ZNF683: variants seen among roughly 807,000 people sequenced by gnomAD.
ZNF683 encodes tissue-resident T-cell transcription regulator protein ZNF683.
In ZNF683, 20 loss-of-function variants were observed where a neutral mutation model predicts 31.4. The observed-to-expected ratio is 0.64, with a 90% CI of 0.45 to 0.93. The LOEUF (loss-of-function observed/expected upper bound fraction) is 0.93. Among genes scored for constraint, ZNF683 ranks in the 40% least tolerant of loss-of-function variants. The pLI is 0.00. For synonymous variants in ZNF683, 264 were observed against 267.6 expected (o/e 0.99, Z 0.13); for missense variants, 621 against 637.2 (o/e 0.97, Z 0.27).
rs1570236481 is a variant in ZNF683, at chr1:26,361,841, A to G, written c.1325T>C (p.Leu442Pro). The part of the protein sequence containing the change: ...PCGLVHTQLP[L>P]ASLACLAQWH... ...TTGGGCAAGGCAGGCCAGAGAGGCCAGGGGCAGCTGGGTGTGCACCAGGCC... is the reference window on the plus strand; with the variant it reads ...TTGGGCAAGGCAGGCCAGAGAGGCCGGGGGCAGCTGGGTGTGCACCAGGCC... The change falls in exon 6 of 6, where the codon CTG (leucine) becomes CCG (proline). Residue 442 changes from leucine (L) to proline (P), a missense_variant. Leu to Pro is a moderately conservative substitution (Grantham distance 98). Transcript: ENST00000349618. 2 of 1,614,022 alleles carry G rather than the reference A, an allele frequency of 1.2e-6. No homozygotes were observed.
intron 1 of ZNF683, among the ~76,000 whole-genome samples, 167 bp from the exon 2 acceptor site, chr1:26,368,752 C>T (rs976509252): frequency 6.6e-6 from 1 of 152,176 alleles, no homozygotes. Flanking sequence ...CTAGTTGATG[C>T]GTAAGGATTC....
intron 3 of ZNF683, 103 bp from the exon 4 acceptor site, chr1:26,365,329 C>G: frequency 8.3e-7 from 1 of 1,202,848 alleles, no homozygotes; most frequent in Admixed American, 2.8e-5. Context: ...CTCCAGCCTG[C>G]GAGCCTGCTA....
chr1:26,366,955 C>T (rs940228494), intron 3 of ZNF683, among the ~76,000 whole-genome samples: 4 of 152,200 alleles, frequency 2.6e-5, no homozygotes, highest in African/African-American at 9.6e-5. Context: ...CGTGCCCGGC[C>T]TCCAGTACTT....
chr1:26,363,240 C>T (rs1162837321), intron 4 of ZNF683, 86 bp from the exon 5 acceptor site: 2 of 1,480,626 alleles, frequency 1.4e-6, no homozygotes, highest in Non-Finnish European at 1.8e-6. Flanking sequence ...GCCCACTTCT[C>T]TCTCCCTCCC....
chr1:26,372,899 T>C (rs936056623), upstream of ZNF683: 3 of 1,087,600 alleles, frequency 2.8e-6, no homozygotes, highest in East Asian at 6.4e-5. Context: ...GGCTGCTCCA[T>C]GTGGGAACCT....
Position 26,368,554 on chromosome 1 carries a change from A to G in ZNF683, c.18T>C (p.Ala6=). The G allele has an allele frequency of 1.9e-6, 3 of 1,605,384 alleles. No homozygotes were observed. Among genetic ancestry groups the G allele is most frequent in the Middle Eastern group, 1.7e-4 (1 of 6,056 alleles). ...GCCTATGACAACAACCTAATTGTGC[A>G]GCTGATTCTTCCTTCATATCCCCAT... is the stretch of plus-strand genomic sequence containing the variant. MKEES[A]AQLGCCHRPM... Residue 6 remains alanine (A), a synonymous_variant, in exon 2 of 6, where the codon GCT becomes GCC. Transcript: ENST00000349618.
chr1:26,370,394 C>A (rs1394737109), intron 1 of ZNF683, among the ~76,000 whole-genome samples: 1 of 152,194 alleles, frequency 6.6e-6, no homozygotes, highest in Non-Finnish European at 1.5e-5. Flanking sequence ...CAGCTGTCTG[C>A]TCATCCAGCA....
chr1:26,362,320 G>C (rs962481191), intron 5 of ZNF683: 3 of 806,954 alleles, frequency 3.7e-6, no homozygotes, highest in Non-Finnish European at 4.1e-6. Context: ...ATGGTGGACT[G>C]AATGAGATAA....
chr1:26,365,918 C>T (rs762893937), intron 3 of ZNF683, among the ~76,000 whole-genome samples: 5 of 152,110 alleles, frequency 3.3e-5, no homozygotes, highest in Admixed American at 6.5e-5. Flanking sequence ...CGGTGGCTCA[C>T]GCCTGTAATC....
intron 5 of ZNF683, chr1:26,362,325 A>C: frequency 1.3e-6 from 1 of 783,468 alleles, no homozygotes; most frequent in Non-Finnish European, 2.1e-6. Context: ...GGACTGAATG[A>C]GATAATCACA....
chr1:26,372,400 G>A (rs2074689692), intron 1 of ZNF683: 1 of 1,108,494 alleles, frequency 9.0e-7, no homozygotes, highest in East Asian at 5.9e-5. Flanking sequence ...TCTTGAGGGA[G>A]GCAAAAGGTA....
intron 3 of ZNF683, among the ~76,000 whole-genome samples, chr1:26,365,468 G>A (rs1570253315): frequency 6.6e-6 from 1 of 152,224 alleles, no homozygotes; most frequent in South Asian, 2.1e-4. Context: ...GGTCTGAACT[G>A]GAGACATAAA....
chr1:26,370,957 G>C (rs1254298040), intron 1 of ZNF683, among the ~76,000 whole-genome samples: 2 of 152,162 alleles, frequency 1.3e-5, no homozygotes, highest in East Asian at 1.9e-4. Flanking sequence ...GTGTGTGTGA[G>C]GGGGGCGGGC....
chr1:26,367,611 C>T lies in ZNF683; in HGVS notation c.301G>A (p.Glu101Lys), dbSNP rs775990644. The change falls in exon 3 of 6, where the codon GAG becomes AAG. Residue 101 changes from glutamate to lysine, a missense_variant. By Grantham distance (56) the Glu-to-Lys change is moderately conservative (BLOSUM62 1). Coordinates refer to ENST00000349618, the MANE Select transcript of ZNF683 (RefSeq NM_001114759.3). ...GGCTTACTCATGCTCAAGGCGTCCT[C>T]TTGGAGGCCCTGCAGGTCTGTGCCC... ...PLGTDLQGLQEDALSMKHEPP... is the reference protein window; with the variant it reads ...PLGTDLQGLQKDALSMKHEPP... The T allele has an allele frequency of 1.2e-6, 2 of 1,608,236 alleles. No homozygotes were observed. Among genetic ancestry groups the T allele is most frequent in the South Asian group, 2.2e-5 (2 of 90,302 alleles).
upstream of ZNF683, among the ~76,000 whole-genome samples, chr1:26,373,086 A>T (rs2074703990): frequency 6.6e-6 from 1 of 152,222 alleles, no homozygotes; most frequent in Admixed American, 6.5e-5. Flanking sequence ...GTAGACTAGC[A>T]GATCAGAAGC....
At chr1:26,367,937 G>A (rs2074570359) in intron 2 of ZNF683, 140 bp from the exon 3 acceptor site, 1 of 642,046 alleles carries the variant, frequency 1.6e-6, no homozygotes, top group Admixed American at 3.4e-5. Context: ...TCACTCAAAT[G>A]GCATCTCTTC....
chr1:26,370,400 C>T (rs1021760370), intron 1 of ZNF683, among the ~76,000 whole-genome samples: 3 of 152,184 alleles, frequency 2.0e-5, no homozygotes, highest in East Asian at 3.9e-4. Context: ...TCTGCTCATC[C>T]AGCACCAGGC....
rs545550809 is a variant in ZNF683 at position 26,368,675 on chromosome 1, A to G, written c.-14-90T>C. The G allele has an allele frequency of 7.0e-5, 98 of 1,400,194 alleles. 1 individual carries two copies. The East Asian group carries it at 2.6e-3, about 37-fold the overall frequency. The allele number at this position is 1,400,194 out of a possible 1,614,324, so 86.7% of individuals were successfully genotyped here. A position where few individuals can be genotyped will look rare whatever the true frequency, so the allele number is the denominator to read the frequency against. On this transcript the variant is annotated intron_variant, in intron 1 of 5. Coordinates refer to ENST00000349618, the MANE Select transcript of ZNF683 (RefSeq NM_001114759.3). ...ACTGGCTCTCCCATTAACATGCTGC[A>G]TGACCACAAGTTATTCATGTCCCTT...
At chr1:26,366,290 G>A (rs1054573157) in intron 3 of ZNF683, among the ~76,000 whole-genome samples, 1 of 148,794 alleles carries the variant, frequency 6.7e-6, no homozygotes, top group African/African-American at 2.5e-5. Context: ...TTGAGCCCAG[G>A]AGTTGGAGGC....
Sources: allele counts gnomAD v4.1 joint callset (sites outside exome capture counted in the v4.1 genomes callset), GRCh38; gene constraint gnomAD v4.1.1; transcripts MANE v1.5; gene names NCBI Gene and HGNC (gene_info 2026-07-23, HGNC 2026-07-21).